FARP1: variants seen among roughly 807,000 people sequenced by gnomAD.
The protein encoded by FARP1 is FERM, ARH/RhoGEF and pleckstrin domain protein 1.
In FARP1, 52 loss-of-function variants were observed where a neutral mutation model predicts 128.8. The ratio of observed to expected loss-of-function variants is 0.40; its 90% CI spans 0.32 to 0.51. The LOEUF is 0.51. Among genes scored for constraint, FARP1 ranks in the 20% least tolerant of loss-of-function variants. FARP1 has a pLI of 0.45. For synonymous variants in FARP1, 580 were observed against 551.8 expected (o/e 1.05, Z -0.72); for missense variants, 1,333 against 1,367.9 (o/e 0.97, Z 0.40).
chr13:98,337,112 A>G (rs1887776698), intron 2 of FARP1, among the ~76,000 whole-genome samples: 1 of 152,146 alleles, frequency 6.6e-6, no homozygotes, highest in Non-Finnish European at 1.5e-5. Context: ...GACACCTATA[A>G]TCCTAGCACT....
At chr13:98,327,025 G>A (rs112419319) in intron 2 of FARP1, among the ~76,000 whole-genome samples, 160 of 152,290 alleles carry the variant, frequency 1.1e-3, no homozygotes, top group African/African-American at 3.6e-3. Flanking sequence ...GAATACTGTC[G>A]CTCTGAATAA....
chr13:98,162,383 CT>C lies in FARP1; in HGVS notation c.-24+18895del, dbSNP rs563812037. Among the ~76,000 whole-genome samples the C allele has an allele frequency of 2.0e-4, 30 of 152,304 alleles. No individual in the cohort carries two copies. In the East Asian group the frequency reaches 5.8e-3, roughly 29 times the overall value. On this transcript the variant is annotated intron_variant, in intron 1 of 26. Transcript: ENST00000319562. ...TTCTCATCGATGTGCAGAAGAGAAT[CT>C]TTTCCTTGTGTACCAACAATTCTGG...
At chr13:98,350,360 T>C (rs1888364310) in intron 3 of FARP1, among the ~76,000 whole-genome samples, 2 of 152,184 alleles carry the variant, frequency 1.3e-5, no homozygotes, top group South Asian at 4.1e-4. Flanking sequence ...GACAACAAAA[T>C]TGAGCCAGAA....
chr13:98,221,305 C>G (rs1881400401), intron 2 of FARP1, among the ~76,000 whole-genome samples: 2 of 152,134 alleles, frequency 1.3e-5, no homozygotes, highest in Admixed American at 1.3e-4. Flanking sequence ...GAGCTGTTGG[C>G]TGGATCAATG....
intron 1 of FARP1, among the ~76,000 whole-genome samples, chr13:98,149,685 G>A (rs1440071540): frequency 1.4e-5 from 2 of 143,928 alleles, no homozygotes; most frequent in Non-Finnish European, 3.0e-5. Context: ...TGTACTTATT[G>A]ACCATTTATA....
At chr13:98,224,313 G>T (rs1303649292) in intron 2 of FARP1, among the ~76,000 whole-genome samples, 1 of 151,862 alleles carries the variant, frequency 6.6e-6, no homozygotes, top group African/African-American at 2.4e-5. Flanking sequence ...GGATCACGAG[G>T]TCAGGAGATC....
At chr13:98,428,911 C>T (rs1171939616) in intron 17 of FARP1, among the ~76,000 whole-genome samples, 1 of 151,830 alleles carries the variant, frequency 6.6e-6, no homozygotes, top group Non-Finnish European at 1.5e-5. Flanking sequence ...GCGACACACA[C>T]ATGCACGCAC....
intron 2 of FARP1, chr13:98,244,955 C>A: frequency 7.7e-7 from 1 of 1,291,560 alleles, no homozygotes; most frequent in Non-Finnish European, 9.8e-7. Flanking sequence ...TAAAGGGAAG[C>A]AATACAGCTT....
At chr13:98,268,517 G>C (rs967500982) in intron 2 of FARP1, among the ~76,000 whole-genome samples, 5 of 152,076 alleles carry the variant, frequency 3.3e-5, no homozygotes, top group African/African-American at 1.2e-4. Flanking sequence ...ACCCAGGCTG[G>C]AGTGCAGTGG....
chr13:98,221,535 C>T (rs1458108601), intron 2 of FARP1, among the ~76,000 whole-genome samples: 3 of 152,190 alleles, frequency 2.0e-5, no homozygotes, highest in Non-Finnish European at 4.4e-5. Context: ...GTGAAACCTC[C>T]ATTTCTGCCA....
chr13:98,219,866 G>A (rs1220584865), intron 2 of FARP1, among the ~76,000 whole-genome samples: 11 of 151,494 alleles, frequency 7.3e-5, no homozygotes, highest in Non-Finnish European at 1.3e-4. Context: ...CAGGGGTCTC[G>A]CTATGTTGCC....
intron 2 of FARP1, among the ~76,000 whole-genome samples, chr13:98,286,242 C>T (rs1353849879): frequency 1.3e-5 from 2 of 152,174 alleles, no homozygotes; most frequent in Non-Finnish European, 1.5e-5. Context: ...CCTGCATCTG[C>T]TCCTTCCTGA....
intron 16 of FARP1, among the ~76,000 whole-genome samples, chr13:98,412,277 T>C (rs1373491587): frequency 1.3e-5 from 2 of 152,212 alleles, no homozygotes; most frequent in Non-Finnish European, 2.9e-5. Flanking sequence ...ATGATGATTA[T>C]ATGATTATCA....
Position 98,448,577 on chromosome 13 carries a change from A to G in FARP1, c.*260A>G, listed in dbSNP as rs144556758. 6.8e-6 allele frequency: 3 copies of G among 441,858 alleles called. No individual in the cohort carries two copies. The highest frequency in any genetic ancestry group is 4.5e-5 in the African/African-American group (2 of 44,934). The allele number at this position is 441,858 out of a possible 1,614,324, so 27.4% of individuals were successfully genotyped here. ...CCAGTATTAAAACATTGTCATTACGAGAGTGCCAAATGACATCTTCCCTCC... is the reference window on the plus strand; with the variant it reads ...CCAGTATTAAAACATTGTCATTACGGGAGTGCCAAATGACATCTTCCCTCC... On this transcript the variant is annotated 3_prime_UTR_variant, in exon 27 of 27. Coordinates refer to ENST00000319562, the MANE Select transcript of FARP1 (RefSeq NM_005766.4).
At chr13:98,329,393 G>A (rs1266379711) in intron 2 of FARP1, 2 of 152,228 alleles carry the variant, frequency 1.3e-5, no homozygotes, top group African/African-American at 4.8e-5. Context: ...CAGGTGTGGT[G>A]GCTCACGCCT....
At chr13:98,404,322 G>A (rs540656845) in intron 13 of FARP1, 1 of 152,304 alleles carries the variant, frequency 6.6e-6, no homozygotes, top group East Asian at 1.9e-4. Context: ...GGACCACACT[G>A]CTAACATGGG....
chr13:98,380,661 C>G (rs59477289), intron 6 of FARP1, among the ~76,000 whole-genome samples: 1,853 of 152,118 alleles, frequency 0.012, 32 homozygotes, highest in African/African-American at 0.043. Context: ...GCAGCCTCGA[C>G]CTCCTGGAAT....
At chr13:98,157,532 G>T (rs552781149) in intron 1 of FARP1, among the ~76,000 whole-genome samples, 3 of 152,236 alleles carry the variant, frequency 2.0e-5, no homozygotes, top group South Asian at 4.2e-4. Flanking sequence ...TGCTTGTACT[G>T]GCGTGTTTAC....
chr13:98,154,720 G>T (rs1876378361), intron 1 of FARP1, among the ~76,000 whole-genome samples: 1 of 152,220 alleles, frequency 6.6e-6, no homozygotes, highest in Admixed American at 6.5e-5. Context: ...CGAAGCAACT[G>T]CAAGGCCCTG....
Sources: allele counts gnomAD v4.1 joint callset (sites outside exome capture counted in the v4.1 genomes callset), GRCh38; gene constraint gnomAD v4.1.1; transcripts MANE v1.5; gene names NCBI Gene and HGNC (gene_info 2026-07-23, HGNC 2026-07-21).